QRICH2: variants seen among roughly 807,000 people sequenced by gnomAD.
The protein encoded by QRICH2 is glutamine-rich protein 2.
QRICH2 carries 119 observed loss-of-function variants against 168.3 expected under a neutral mutation model. That is an observed-to-expected ratio of 0.71 (90% confidence interval 0.61 to 0.82). QRICH2 has a LOEUF of 0.82. QRICH2 is among the 40% of genes least tolerant of loss of function. QRICH2 has a pLI of 0.00. For missense variants in QRICH2, 2,241 were observed against 2,491.6 expected (o/e 0.90, Z 2.14); for synonymous variants, 894 against 951.2 (o/e 0.94, Z 1.11).
rs1001574687 is a variant in QRICH2 at position 76,307,277 on chromosome 17, G to A, written c.534+188C>T. ...TAGGATTTTCACGTCTTGCAGCCCCGTGGACTGCAAGGTAGAGCATGGGCC... is the reference window on the plus strand; with the variant it reads ...TAGGATTTTCACGTCTTGCAGCCCCATGGACTGCAAGGTAGAGCATGGGCC... On this transcript the variant is annotated intron_variant, in intron 1 of 18. Coordinates refer to ENST00000680821, the MANE Select transcript of QRICH2 (RefSeq NM_001388453.1). The surrounding 1 kb of genome is among the most constrained non-coding windows in gnomAD (Gnocchi z 5.3). Among the ~76,000 whole-genome samples the A allele has an allele frequency of 1.3e-5, 2 of 152,016 alleles. No homozygotes were observed. The highest frequency in any genetic ancestry group is 1.3e-4 in the Admixed American group (2 of 15,264).
rs769957772 is a variant in QRICH2 at position 76,307,264 on chromosome 17, G to T, written c.534+201C>A. Among the ~76,000 whole-genome samples the T allele has an allele frequency of 5.3e-5, 8 of 152,018 alleles. No homozygotes were observed. Among genetic ancestry groups the T allele is most frequent in the Non-Finnish European group, 8.8e-5 (6 of 67,984 alleles). On this transcript the variant is annotated intron_variant, in intron 1 of 18. Transcript: ENST00000680821. The surrounding 1 kb of genome is among the most constrained non-coding windows in gnomAD (Gnocchi z 5.3). ...GGTGGCGTTCTTTTAGGATTTTCAC[G>T]TCTTGCAGCCCCGTGGACTGCAAGG...
At chr17:76,276,536 G>T (rs543861917) in intron 17 of QRICH2, 144 bp downstream of exon 17, 1 of 617,924 alleles carries the variant, frequency 1.6e-6, no homozygotes, top group East Asian at 2.8e-5. Context: ...GTGGCTTTTC[G>T]AGAGACCTGC....
At chr17:76,287,382 C>A (rs2070909143) in intron 6 of QRICH2, 76 bp from the exon 7 acceptor site, 1 of 996,016 alleles carries the variant, frequency 1.0e-6, no homozygotes, top group South Asian at 1.3e-5. Context: ...ATCAGGGACG[C>A]AGGGGGATGC....
chr17:76,280,408 T>TA lies in QRICH2; in HGVS notation c.4504_4505insT (p.Gln1502LeufsTer3). On this transcript the variant is annotated frameshift_variant, in exon 11 of 19. Transcript: ENST00000680821. LOFTEE classifies it high-confidence loss of function. The surrounding 1 kb of genome is among the most constrained non-coding windows in gnomAD (Gnocchi z 7.4). ...CAGCTGCTCCGTGGTGGCATCAAAC[T>TA]GGACACGGCTCACTTTGGTGGCCAG... 1 of 1,614,162 alleles carries TA rather than the reference T, an allele frequency of 6.2e-7. No individual in the cohort carries two copies. Among genetic ancestry groups the TA allele is most frequent in the Non-Finnish European group, 8.5e-7 (1 of 1,180,012 alleles).
At position 76,293,848 on chromosome 17, in the gene QRICH2, G is replaced by A; in HGVS notation, c.879C>T (p.His293=). ...CCCTACTGGAAACCCCATCAGAGGG[G>A]TGTGCTGTGCCACCAGATCCTGATG... The part of the protein sequence containing the change: ...RTASGSGGTA[H]PSDGVSSREQ... Residue 293 remains histidine, a synonymous_variant, in exon 4 of 19, where the codon CAC becomes CAT. Coordinates refer to ENST00000680821, the MANE Select transcript of QRICH2 (RefSeq NM_001388453.1). 2 of 1,614,066 alleles carry A rather than the reference G, an allele frequency of 1.2e-6. No individual in the cohort carries two copies. Among genetic ancestry groups the A allele is most frequent in the Non-Finnish European group, 1.7e-6 (2 of 1,179,980 alleles).
At position 76,280,503 on chromosome 17, in the gene QRICH2, G is replaced by A; in HGVS notation, c.4462-52C>T. 6.2e-7 allele frequency: 1 copy of A among 1,603,820 alleles called. No homozygotes were observed. Among genetic ancestry groups the A allele is most frequent in the Non-Finnish European group, 8.5e-7 (1 of 1,174,416 alleles). On this transcript the variant is annotated intron_variant, in intron 10 of 18. Transcript: ENST00000680821. This position sits in a 1 kb window ranked among gnomAD's most constrained non-coding sequence, Gnocchi z 7.4. Reference sequence around the variant, plus strand: ...GCATCTGGGAGATGGCCATGGAGGGGCCCCATTCCCTGGGGGTGTCGACCC... The same window carrying A: ...GCATCTGGGAGATGGCCATGGAGGGACCCCATTCCCTGGGGGTGTCGACCC...
chr17:76,296,386 G>A (rs192349071), intron 3 of QRICH2, among the ~76,000 whole-genome samples: 161 of 152,346 alleles, frequency 1.1e-3, no homozygotes, highest in Non-Finnish European at 2.0e-3. Flanking sequence ...CTGCAGTGCA[G>A]GGAGGGGGAA....
At chr17:76,275,301 GGGTCACTT>G (rs1432967440) in intron 18 of QRICH2, among the ~76,000 whole-genome samples, 1 of 152,172 alleles carries the variant, frequency 6.6e-6, no homozygotes, top group Non-Finnish European at 1.5e-5. Flanking sequence ...ACCTTGCCCA[GGGTCACTT>G]GTCAGTGATC....
intron 15 of QRICH2, 32 bp downstream of exon 15, chr17:76,277,957 T>A: frequency 6.2e-7 from 1 of 1,600,842 alleles, no homozygotes. Flanking sequence ...ACTGGGTGCC[T>A]GCTCCCATGG....
upstream of QRICH2, chr17:76,308,551 G>C: frequency 1.1e-6 from 1 of 942,296 alleles, no homozygotes; most frequent in African/African-American, 1.8e-5. Flanking sequence ...CCATTCCAGA[G>C]TGGTGGCCCC....
At position 76,304,609 on chromosome 17, in the gene QRICH2, T is replaced by C. The variant is rs758173815; in HGVS notation, c.595-84A>G. ...GGAACAGACTTGGTCTAACAGGATCTGGGTGGGTCCTTCACAGCCCCAGCC... is the reference window on the plus strand; with the variant it reads ...GGAACAGACTTGGTCTAACAGGATCCGGGTGGGTCCTTCACAGCCCCAGCC... On this transcript the variant is annotated intron_variant, in intron 2 of 18. Transcript: ENST00000680821. The C allele has an allele frequency of 6.1e-6, 6 of 988,410 alleles. No individual in the cohort carries two copies. The Admixed American group carries it at 1.2e-4, about 20-fold the overall frequency. 61.2% of individuals were successfully genotyped at this position (988,410 alleles called of 1,614,324 possible). A position where few individuals can be genotyped will look rare whatever the true frequency, so the allele number is the denominator to read the frequency against.
chr17:76,308,331 T>C (rs1431853037), upstream of QRICH2: 1 of 985,228 alleles, frequency 1.0e-6, no homozygotes, highest in African/African-American at 1.7e-5. Context: ...CACGCCTCCC[T>C]GCGAGCCACG....
At position 76,284,168 on chromosome 17, in the gene QRICH2, C is replaced by CAAAAAAAAAAAAA. The variant is rs61553346; in HGVS notation, c.4012-2066_4012-2054dup. The stretch of plus-strand genomic sequence containing the variant: ...GGGCAACAGAGCAAAACTCTGTCTC[C>CAAAAAAAAAAAAA]AAAAAAAAAAAAAAAAAAAAAAAAA... On this transcript the variant is annotated intron_variant, in intron 7 of 18. Transcript: ENST00000680821. Among the ~76,000 whole-genome samples, 542 of 62,690 alleles carry CAAAAAAAAAAAAA rather than the reference C, an allele frequency of 8.6e-3. 26 individuals carry two copies. Among genetic ancestry groups the CAAAAAAAAAAAAA allele is most frequent in the African/African-American group, 0.012 (108 of 9,172 alleles). The allele number at this position is 62,690 out of a possible 152,430, so 41.1% of individuals were successfully genotyped here. A position where few individuals can be genotyped will look rare whatever the true frequency, so the allele number is the denominator to read the frequency against.
chr17:76,308,414 A>C (rs1394621168), upstream of QRICH2: 5 of 985,202 alleles, frequency 5.1e-6, no homozygotes, highest in Non-Finnish European at 6.0e-6. Context: ...GAGGCCTCCT[A>C]AGATCCAGCT....
chr17:76,276,292 C>T (rs1463044715), intron 17 of QRICH2, among the ~76,000 whole-genome samples: 2 of 152,156 alleles, frequency 1.3e-5, no homozygotes, highest in African/African-American at 2.4e-5. Context: ...GCGCAGGCTT[C>T]GGGCATTGCC....
At position 76,278,173 on chromosome 17, in the gene QRICH2, C is replaced by A. The variant is rs564093264; in HGVS notation, c.4933G>T (p.Ala1645Ser). 3.7e-6 allele frequency: 6 copies of A among 1,607,348 alleles called. No individual in the cohort carries two copies. The South Asian group carries it at 6.6e-5, about 18-fold the overall frequency. The change falls in exon 15 of 19, where the codon GCC becomes TCC. Residue 1645 changes from alanine to serine, a missense_variant. Transcript: ENST00000680821. ...TGCGCCAGGTCACCCCGAGGGAAGG[C>A]GCTGCCCAGCTTGAGGCTGCAGGGT... ...QHSRNLKLGS[A>S]FPRGDLAQME...
Position 76,291,840 on chromosome 17 carries a change from GCAC to G in QRICH2, c.2884_2886del (p.Val962del). The G allele has an allele frequency of 6.2e-7, 1 of 1,614,202 alleles. No individual in the cohort carries two copies. Among genetic ancestry groups the G allele is most frequent in the South Asian group, 1.1e-5 (1 of 91,088 alleles). On this transcript the variant is annotated inframe_deletion, in exon 4 of 19. Transcript: ENST00000680821. ...AAACCATACTGATCCATTCCTGGCT[GCAC>G]CAGACCACGTGGATATGTCCCAGAT...
rs2071050588 is a variant in QRICH2, at chr17:76,293,482, G to A, written c.1245C>T (p.Leu415=). 1 of 1,614,218 alleles carries A rather than the reference G, an allele frequency of 6.2e-7. No individual in the cohort carries two copies. Among genetic ancestry groups the A allele is most frequent in the African/African-American group, 1.3e-5 (1 of 75,064 alleles). ...GTGGCACACCAAGCTGACCCATGCT[G>A]AGGGGTACCACACCATGTGGGTAAG... is the stretch of plus-strand genomic sequence containing the variant. ...ASTYPHGVVP[L]SMGQLGVPPP... is the part of the protein sequence containing the mutation. The change falls in exon 4 of 19, where the codon CTC becomes CTT. Residue 415 remains leucine, a synonymous_variant. Coordinates refer to ENST00000680821, the MANE Select transcript of QRICH2 (RefSeq NM_001388453.1).
At chr17:76,304,668 T>A in intron 2 of QRICH2, 143 bp from the exon 3 acceptor site, 1 of 733,854 alleles carries the variant, frequency 1.4e-6, no homozygotes, top group Non-Finnish European at 2.4e-6. Context: ...AAGTGACCAG[T>A]GAAGGTTGGG....
Sources: gnomAD v4.1 joint callset for allele counts (sites outside exome capture counted in the v4.1 genomes callset) on GRCh38, gnomAD v4.1.1 for gene constraint, Gnocchi (gnomAD v3.1) non-coding constraint, MANE v1.5 for transcripts, NCBI Gene and HGNC (gene_info 2026-07-23, HGNC 2026-07-21) for gene names.